CLVS1: variants seen among roughly 807,000 people sequenced by gnomAD.
CLVS1 encodes the protein clavesin 1.
CLVS1 carries 10 observed loss-of-function variants against 33.1 expected under a neutral mutation model. The ratio of observed to expected loss-of-function variants is 0.30; its 90% CI spans 0.19 to 0.51. The LOEUF (loss-of-function observed/expected upper bound fraction) is 0.51, where lower values mean the gene tolerates loss of function less well. CLVS1 is among the 20% of genes least tolerant of loss of function. CLVS1 has a pLI of 0.97. For synonymous variants in CLVS1, 163 were observed against 166.1 expected, an observed-to-expected ratio of 0.98 and a Z score of 0.14; for missense variants, 343 against 433.4, an observed-to-expected ratio of 0.79 and a Z score of 1.85.
chr8:61,263,375 T>C (rs1809245317), intron 2 of CLVS1, among the ~76,000 whole-genome samples: 1 of 152,214 alleles, frequency 6.6e-6, no homozygotes, highest in African/African-American at 2.4e-5. Context: ...TGAATATAGT[T>C]TTGTATTTAC....
At chr8:61,202,308 C>A (rs1240601309) in intron 2 of CLVS1, 4 of 660,408 alleles carry the variant, frequency 6.1e-6, no homozygotes, top group Non-Finnish European at 1.1e-5. Context: ...ATTCGTTTAT[C>A]TTCGTCCGCC....
rs1052746351 is a variant in CLVS1 at position 61,235,524 on chromosome 8, C to T, written c.-151-64153C>T. On this transcript the variant is annotated intron_variant, in intron 2 of 2. Coordinates refer to the CLVS1 transcript ENST00000522621. ...TTTTATTCAAATTTAGCCCAACTTG[C>T]CACTTCATTTTCTTAAAGCTTCTGA... Among the ~76,000 whole-genome samples the T allele has an allele frequency of 2.0e-5, 3 of 152,292 alleles. No homozygotes were observed. In the South Asian group the frequency reaches 6.2e-4, roughly 32 times the overall value.
chr8:61,381,157 CTTTT>C, intron 3 of CLVS1, among the ~76,000 whole-genome samples: 1 of 148,328 alleles, frequency 6.7e-6, no homozygotes, highest in Admixed American at 6.7e-5. Context: ...ATTGTGTGAC[CTTTT>C]TTTTTTCTGT....
intron 2 of CLVS1, among the ~76,000 whole-genome samples, chr8:61,247,697 C>A (rs1808845661): frequency 6.6e-6 from 1 of 152,080 alleles, no homozygotes; most frequent in Admixed American, 6.5e-5. Flanking sequence ...GATATTAGAC[C>A]TTTGTCAGAT....
intron 2 of CLVS1, among the ~76,000 whole-genome samples, chr8:61,240,802 A>T (rs1808682042): frequency 6.6e-6 from 1 of 152,004 alleles, no homozygotes; most frequent in African/African-American, 2.4e-5. Flanking sequence ...GTGCAACATT[A>T]AATAGAAGTG....
chr8:61,484,105 A>G (rs982116625), intron 5 of CLVS1, among the ~76,000 whole-genome samples: 7 of 152,186 alleles, frequency 4.6e-5, no homozygotes, highest in Non-Finnish European at 8.8e-5. Flanking sequence ...CAATCAGGCA[A>G]GAGAAAGAAA....
intron 3 of CLVS1, among the ~76,000 whole-genome samples, chr8:61,415,107 G>A (rs979879594): frequency 5.3e-5 from 8 of 152,224 alleles, no homozygotes; most frequent in Non-Finnish European, 7.3e-5. Context: ...AATTATGCTC[G>A]CTGGCTCTTG....
At chr8:60,991,563 C>A in the CLVS1 span, among the ~76,000 whole-genome samples, 2 of 152,116 alleles carry the variant, frequency 1.3e-5, no homozygotes, top group Non-Finnish European at 2.9e-5. Flanking sequence ...CTTTTCAGGA[C>A]GGCCACAGTC....
At chr8:61,102,426 A>G (rs1446393743) in intron 1 of CLVS1, among the ~76,000 whole-genome samples, 1 of 152,194 alleles carries the variant, frequency 6.6e-6, no homozygotes, top group Non-Finnish European at 1.5e-5. Context: ...ATAGAAATAC[A>G]ATTGATTTTT....
At chr8:61,105,923 T>C (rs1016092178) in intron 1 of CLVS1, among the ~76,000 whole-genome samples, 1 of 152,162 alleles carries the variant, frequency 6.6e-6, no homozygotes, top group South Asian at 2.1e-4. Context: ...CTCCCGCTCA[T>C]GCCCGCCCTG....
At chr8:61,463,598 G>C (rs1345728751) in intron 5 of CLVS1, among the ~76,000 whole-genome samples, 4 of 152,078 alleles carry the variant, frequency 2.6e-5, no homozygotes, top group Admixed American at 2.0e-4. Flanking sequence ...CGAGGCCCAA[G>C]AAGAAGGAGA....
intron 2 of CLVS1, among the ~76,000 whole-genome samples, chr8:61,365,756 T>G (rs73682271): frequency 2.1e-4 from 29 of 135,316 alleles, no homozygotes; most frequent in Admixed American, 7.7e-4. Context: ...GTTTACAGGG[T>G]GTGTGTGTGT....
the CLVS1 span, among the ~76,000 whole-genome samples, chr8:60,978,119 T>C: frequency 6.6e-6 from 1 of 152,240 alleles, no homozygotes; most frequent in Non-Finnish European, 1.5e-5. Flanking sequence ...GGGAGCTCAT[T>C]ACCAGTAGGC....
At chr8:61,408,161 TAAAC>T (rs1815065637) in intron 3 of CLVS1, among the ~76,000 whole-genome samples, 1 of 152,110 alleles carries the variant, frequency 6.6e-6, no homozygotes, top group Admixed American at 6.5e-5. Flanking sequence ...CAATAAATGA[TAAAC>T]AAGTAAGCAA....
the CLVS1 span, among the ~76,000 whole-genome samples, chr8:61,048,746 C>T: frequency 5.9e-5 from 9 of 152,118 alleles, no homozygotes; most frequent in Non-Finnish European, 1.0e-4. Flanking sequence ...CAACCTCCCA[C>T]CATGGACCAG....
chr8:61,290,721 T>C (rs567942797), intron 1 of CLVS1, among the ~76,000 whole-genome samples: 1 of 152,208 alleles, frequency 6.6e-6, no homozygotes, highest in African/African-American at 2.4e-5. Context: ...CTCTTCCTGT[T>C]ACACAGTGAC....
chr8:61,084,234 G>A (rs879314721), intron 1 of CLVS1, among the ~76,000 whole-genome samples: 8 of 152,184 alleles, frequency 5.3e-5, no homozygotes, highest in South Asian at 2.1e-4. Context: ...ATCTATTTTA[G>A]CACTGAAAAT....
chr8:61,305,262 A>AT (rs910943252), intron 2 of CLVS1, among the ~76,000 whole-genome samples: 3 of 152,018 alleles, frequency 2.0e-5, no homozygotes, highest in Middle Eastern at 6.8e-3. Flanking sequence ...TATCTTTTCC[A>AT]TTTTTTAGCG....
Position 61,388,427 on chromosome 8 carries a change from T to TAATGTC in CLVS1, c.630+11649_630+11654dup, listed in dbSNP as rs1327916437. Among the ~76,000 whole-genome samples the TAATGTC allele has an allele frequency of 8.6e-5, 13 of 151,782 alleles. No individual in the cohort carries two copies. The East Asian group carries it at 2.5e-3, about 30-fold the overall frequency. On this transcript the variant is annotated intron_variant, in intron 3 of 5. Coordinates refer to ENST00000325897, the MANE Select transcript of CLVS1 (RefSeq NM_173519.3). ...ATTTTTATAAAAGATCTGAAACGATTAATGTCTATATTTAGAATTTATTAA... is the reference window on the plus strand; with the variant it reads ...ATTTTTATAAAAGATCTGAAACGATTAATGTCAATGTCTATATTTAGAATTTATTAA...
Sources: gnomAD v4.1 joint callset for allele counts (sites outside exome capture counted in the v4.1 genomes callset) on GRCh38, gnomAD v4.1.1 for gene constraint, MANE v1.5 for transcripts, NCBI Gene and HGNC (gene_info 2026-07-23, HGNC 2026-07-21) for gene names.